The following SLC26A7 variants were observed in gnomAD, a reference collection of about 807,000 sequenced individuals.
SLC26A7 encodes solute carrier family 26 member 7.
Under a neutral mutation model 82.5 loss-of-function variants are expected in SLC26A7, and 59 were observed. The ratio of observed to expected loss-of-function variants is 0.72; its 90% CI spans 0.58 to 0.89. The LOEUF is 0.89. SLC26A7 is among the 40% of genes least tolerant of loss of function. SLC26A7 has a pLI of 0.00. For synonymous variants in SLC26A7, 271 were observed against 274.3 expected, an observed-to-expected ratio of 0.99 and a Z score of 0.12; for missense variants, 820 against 793.0, an observed-to-expected ratio of 1.03 and a Z score of -0.41.
chr8:91,388,076 T>C (rs772467536), intron 15 of SLC26A7, among the ~76,000 whole-genome samples: 2 of 152,236 alleles, frequency 1.3e-5, no homozygotes, highest in Non-Finnish European at 2.9e-5. Flanking sequence ...TACTGTCATA[T>C]ATAAATTTTC....
chr8:91,259,613 A>G (rs935489990), intron 2 of SLC26A7, among the ~76,000 whole-genome samples: 2 of 152,028 alleles, frequency 1.3e-5, no homozygotes, highest in Non-Finnish European at 2.9e-5. Context: ...CTTCAGCATC[A>G]TATGCTCTGC....
At chr8:91,244,405 CT>C (rs1024968409), upstream of SLC26A7, among the ~76,000 whole-genome samples, 1 of 146,858 alleles carries the variant, frequency 6.8e-6, no homozygotes, top group Non-Finnish European at 1.5e-5. Context: ...TCTTTTCATT[CT>C]TTTTTTATGA....
intron 4 of SLC26A7, among the ~76,000 whole-genome samples, chr8:91,308,560 C>T (rs1258899442): frequency 6.6e-6 from 1 of 152,108 alleles, no homozygotes; most frequent in Non-Finnish European, 1.5e-5. Flanking sequence ...TTCTCCCTTT[C>T]CATACTGTAT....
chr8:91,295,947 T>C (rs1025158304), intron 4 of SLC26A7, among the ~76,000 whole-genome samples: 1 of 152,208 alleles, frequency 6.6e-6, no homozygotes, highest in African/African-American at 2.4e-5. Context: ...AGAATGAACT[T>C]TCTAAAAAAT....
intron 1 of SLC26A7, among the ~76,000 whole-genome samples, chr8:91,215,550 T>C (rs1456811444): frequency 6.6e-6 from 1 of 152,200 alleles, no homozygotes; most frequent in African/African-American, 2.4e-5. Context: ...TGTGTTTGTT[T>C]GCTTTAGAAA....
At chr8:91,275,706 T>A (rs1227181165) in intron 2 of SLC26A7, among the ~76,000 whole-genome samples, 2 of 152,194 alleles carry the variant, frequency 1.3e-5, no homozygotes, top group African/African-American at 4.8e-5. Context: ...TGCTGGGGAA[T>A]GGCACTGTGC....
At chr8:91,362,520 G>A (rs1382941703) in intron 12 of SLC26A7, 61 bp downstream of exon 12, 11 of 1,261,998 alleles carry the variant, frequency 8.7e-6, no homozygotes, top group African/African-American at 1.5e-5. Flanking sequence ...ATGGTTACTT[G>A]CCATATGGTA....
intron 2 of SLC26A7, among the ~76,000 whole-genome samples, chr8:91,270,040 A>G (rs993433690): frequency 6.6e-6 from 1 of 152,090 alleles, no homozygotes; most frequent in African/African-American, 2.4e-5. Flanking sequence ...TTAAAAAAGT[A>G]TTATTCTGAA....
intron 2 of SLC26A7, among the ~76,000 whole-genome samples, chr8:91,252,471 C>T (rs1028757724): frequency 6.6e-6 from 1 of 151,670 alleles, no homozygotes; most frequent in African/African-American, 2.4e-5. Flanking sequence ...TTCTGAAATC[C>T]CTTATTCTCT....
rs148249645 is a variant in SLC26A7, at chr8:91,375,105, C to T, written c.1675+5272C>T. Among the ~76,000 whole-genome samples the T allele has an allele frequency of 3.8e-4, 58 of 151,876 alleles. 2 individuals are homozygous for T. Among genetic ancestry groups the T allele is most frequent in the Middle Eastern group, 3.4e-3 (1 of 292 alleles). ...TTTGTGAGATAGATCTTTCTCCACC[C>T]CCTTACTTTGAGCCTGTGAGTGTTG... On this transcript the variant is annotated intron_variant, in intron 15 of 18. Coordinates refer to ENST00000276609, the MANE Select transcript of SLC26A7 (RefSeq NM_052832.4).
At chr8:91,296,382 T>G (rs999729443) in intron 4 of SLC26A7, among the ~76,000 whole-genome samples, 1 of 152,230 alleles carries the variant, frequency 6.6e-6, no homozygotes, top group Non-Finnish European at 1.5e-5. Context: ...TAGCCATTTT[T>G]GCTTAGTCTC....
intron 16 of SLC26A7, among the ~76,000 whole-genome samples, chr8:91,393,325 G>A (rs1808459181): frequency 6.6e-6 from 1 of 151,900 alleles, no homozygotes. Flanking sequence ...ATGGAAGTTG[G>A]GTAATCAAAC....
intron 15 of SLC26A7, among the ~76,000 whole-genome samples, chr8:91,380,067 C>T (rs1031727756): frequency 6.6e-6 from 1 of 152,006 alleles, no homozygotes; most frequent in African/African-American, 2.4e-5. Flanking sequence ...TTATTATTCA[C>T]AGCTATTATT....
At chr8:91,354,217 A>C (rs1385802922) in intron 11 of SLC26A7, among the ~76,000 whole-genome samples, 1 of 152,142 alleles carries the variant, frequency 6.6e-6, no homozygotes, top group African/African-American at 2.4e-5. Context: ...TAAGGAACTC[A>C]TTGATCATAT....
chr8:91,209,987 T>C (rs1371348833), intron 1 of SLC26A7, among the ~76,000 whole-genome samples: 2 of 152,200 alleles, frequency 1.3e-5, no homozygotes, highest in Admixed American at 6.5e-5. Context: ...CAGTTCATGC[T>C]ATTGAGGAGA....
intron 4 of SLC26A7, among the ~76,000 whole-genome samples, chr8:91,299,478 G>T (rs1266294476): frequency 6.6e-6 from 1 of 151,810 alleles, no homozygotes; most frequent in African/African-American, 2.4e-5. Context: ...CTTGTGAGTG[G>T]TGTGTGATAT....
chr8:91,389,989 A>G (rs775931792), intron 16 of SLC26A7, among the ~76,000 whole-genome samples: 2 of 152,048 alleles, frequency 1.3e-5, no homozygotes, highest in Non-Finnish European at 2.9e-5. Flanking sequence ...ATAACACTCC[A>G]CTTATGGCTT....
chr8:91,268,555 G>A (rs555843723), intron 2 of SLC26A7, among the ~76,000 whole-genome samples: 77 of 151,634 alleles, frequency 5.1e-4, no homozygotes, highest in African/African-American at 1.8e-3. Flanking sequence ...TTGTAGGCAG[G>A]ATATAGTTGG....
chr8:91,385,095 G>C (rs1031294914), intron 15 of SLC26A7, among the ~76,000 whole-genome samples: 2 of 152,154 alleles, frequency 1.3e-5, no homozygotes, highest in African/African-American at 4.8e-5. Flanking sequence ...ACAGTCTGGA[G>C]TTAATTACCC....
Sources: gnomAD v4.1 joint callset for allele counts (sites outside exome capture counted in the v4.1 genomes callset) on GRCh38, gnomAD v4.1.1 for gene constraint, MANE v1.5 for transcripts, NCBI Gene and HGNC (gene_info 2026-07-23, HGNC 2026-07-21) for gene names.